The following PAK2 variants were observed in gnomAD, a reference collection of about 807,000 sequenced individuals.
PAK2 encodes the protein serine/threonine-protein kinase PAK 2.
A neutral mutation model predicts 65.9 loss-of-function variants in PAK2; 21 were observed. The observed-to-expected ratio is 0.32, with a 90% CI of 0.23 to 0.46. The LOEUF is 0.46. Among genes scored for constraint, PAK2 ranks in the 20% least tolerant of loss-of-function variants. The probability of loss-of-function intolerance (pLI) is 1.00; values close to 1 mark genes in which losing one functional copy is unlikely to be tolerated. For missense variants in PAK2, 324 were observed against 642.6 expected (o/e 0.50, Z 5.36); for synonymous variants, 204 against 219.7 (o/e 0.93, Z 0.63).
At chr3:196,806,725 G>C (rs567046783) in intron 6 of PAK2, 39 bp downstream of exon 6, 174 of 1,177,886 alleles carry the variant, frequency 1.5e-4, no homozygotes, top group South Asian at 6.7e-4. Context: ...GTGTGTGCAC[G>C]TGTGTTTTAA....
chr3:196,756,751 G>A (rs6793247), intron 1 of PAK2, among the ~76,000 whole-genome samples: 67,545 of 152,054 alleles, frequency 0.44, 15,804 homozygotes, highest in Non-Finnish European at 0.53. Flanking sequence ...CAGAAGAATC[G>A]CTTGAACCCG....
chr3:196,804,094 C>G (rs1011229931), intron 4 of PAK2, among the ~76,000 whole-genome samples: 1 of 152,116 alleles, frequency 6.6e-6, no homozygotes, highest in East Asian at 1.9e-4. Context: ...ACTACATCCT[C>G]AGGATGTCAT....
At chr3:196,818,388 A>C (rs753087220) in intron 12 of PAK2, among the ~76,000 whole-genome samples, 2 of 152,058 alleles carry the variant, frequency 1.3e-5, no homozygotes, top group Non-Finnish European at 2.9e-5. Flanking sequence ...TTATTAGGTA[A>C]TGTCTTGTCT....
chr3:196,810,684 T>C, intron 8 of PAK2, 31 bp downstream of exon 8: 1 of 1,009,686 alleles, frequency 9.9e-7, no homozygotes, highest in Non-Finnish European at 1.6e-6. Flanking sequence ...TACGATAATA[T>C]TCAGTATTCA....
chr3:196,779,405 C>CTTTCCCATGCCTAGA (rs1378602687), intron 1 of PAK2, among the ~76,000 whole-genome samples: 4 of 152,152 alleles, frequency 2.6e-5, no homozygotes, highest in African/African-American at 7.2e-5. Flanking sequence ...TCCATTTTCC[C>CTTTCCCATGCCTAGA]TTTCCCATGC....
chr3:196,776,082 G>A (rs749801335), intron 1 of PAK2, among the ~76,000 whole-genome samples: 2 of 152,146 alleles, frequency 1.3e-5, no homozygotes, highest in African/African-American at 2.4e-5. Context: ...CAATACCGTG[G>A]GGGAGTCTGA....
chr3:196,825,555 A>G (rs1365672838), intron 13 of PAK2, among the ~76,000 whole-genome samples: 1 of 151,826 alleles, frequency 6.6e-6, no homozygotes, highest in East Asian at 1.9e-4. Flanking sequence ...AGGCAGGAGA[A>G]TCGCTTGAAC....
chr3:196,775,109 C>T (rs533069143), intron 1 of PAK2, among the ~76,000 whole-genome samples: 26 of 152,200 alleles, frequency 1.7e-4, no homozygotes, highest in Middle Eastern at 3.4e-3. Context: ...AGAATTGTGG[C>T]GGCATGGTTG....
intron 1 of PAK2, among the ~76,000 whole-genome samples, chr3:196,754,955 G>C (rs932332136): frequency 6.6e-6 from 1 of 152,178 alleles, no homozygotes; most frequent in Non-Finnish European, 1.5e-5. Flanking sequence ...CTAGTAGGGA[G>C]AGACAAGATA....
intron 1 of PAK2, among the ~76,000 whole-genome samples, chr3:196,774,233 G>T (rs1432525696): frequency 6.6e-6 from 1 of 152,176 alleles, no homozygotes; most frequent in East Asian, 1.9e-4. Context: ...AGAAAAAAGA[G>T]CCTGAGATTC....
chr3:196,751,699 C>CCTTT lies in PAK2; in HGVS notation c.-22+11542_-22+11543insCTTT, dbSNP rs1476646981. Among the ~76,000 whole-genome samples the CCTTT allele has an allele frequency of 7.9e-3, 623 of 79,328 alleles. 18 individuals carry two copies. Among genetic ancestry groups the CCTTT allele is most frequent in the African/African-American group, 0.012 (156 of 13,176 alleles). 52.0% of individuals were successfully genotyped at this position (79,328 alleles called of 152,430 possible). On this transcript the variant is annotated intron_variant, in intron 1 of 14. Coordinates refer to ENST00000327134, the MANE Select transcript of PAK2 (RefSeq NM_002577.4). Reference sequence around the variant, plus strand: ...CATATATATATATATATATATAATTCAGGCTATATATAAAAGGCATTTATG... The same window carrying CCTTT: ...CATATATATATATATATATATAATTCCTTTAGGCTATATATAAAAGGCATTTATG...
At position 196,764,844 on chromosome 3, in the gene PAK2, T is replaced by TC. The variant is rs1345909738; in HGVS notation, c.-21-17782_-21-17781insC. 5.9e-3 allele frequency among the ~76,000 whole-genome samples: 826 copies of TC among 140,550 alleles called. 7 individuals are homozygous for TC. Among genetic ancestry groups the TC allele is most frequent in the African/African-American group, 0.02 (773 of 38,336 alleles). 92.2% of individuals were successfully genotyped at this position (140,550 alleles called of 152,430 possible). ...CAAATTTTCTTTTCTTTTCTTTCTT[T>TC]TTTTTTTTTTTTTTTTGAGACGGAG... is the stretch of plus-strand genomic sequence containing the variant. On this transcript the variant is annotated intron_variant, in intron 1 of 14. Coordinates refer to ENST00000327134, the MANE Select transcript of PAK2 (RefSeq NM_002577.4).
At position 196,807,732 on chromosome 3, in the gene PAK2, A is replaced by G. The variant is rs558773867; in HGVS notation, c.577-50A>G. On this transcript the variant is annotated intron_variant, in intron 6 of 14. Transcript: ENST00000327134. ...ACTGAATTAGTTTGCCAGGAAGAAT[A>G]TCTGAAAACATTATTCCTCAAACCT... 5 of 1,071,578 alleles carry G rather than the reference A, an allele frequency of 4.7e-6. No individual in the cohort carries two copies. In the South Asian group the frequency reaches 7.0e-5, roughly 15 times the overall value. The allele number at this position is 1,071,578 out of a possible 1,614,324, so 66.4% of individuals were successfully genotyped here. A position where few individuals can be genotyped will look rare whatever the true frequency, so the allele number is the denominator to read the frequency against.
chr3:196,783,442 C>CA (rs1714776465), intron 2 of PAK2, among the ~76,000 whole-genome samples: 1 of 152,038 alleles, frequency 6.6e-6, no homozygotes, highest in Non-Finnish European at 1.5e-5. Flanking sequence ...CTGGGCCAGA[C>CA]ACAGTGGCTC....
chr3:196,771,636 T>C (rs2108730337), intron 1 of PAK2, among the ~76,000 whole-genome samples: 1 of 152,292 alleles, frequency 6.6e-6, no homozygotes, highest in East Asian at 1.9e-4. Flanking sequence ...CTCAGCTCAC[T>C]GTACCTCTGC....
At chr3:196,773,338 T>C (rs1381074641) in intron 1 of PAK2, among the ~76,000 whole-genome samples, 2 of 152,194 alleles carry the variant, frequency 1.3e-5, no homozygotes, top group Non-Finnish European at 2.9e-5. Flanking sequence ...TGAATTATTT[T>C]TATACCTAAT....
At position 196,808,068 on chromosome 3, in the gene PAK2, T is replaced by C. The variant is rs112416781; in HGVS notation, c.709+154T>C. Reference sequence around the variant, plus strand: ...AACAGTAGCTTCAATTACAATCTGGTGATGTCACCAGGTTCACCCCTAAAT... The same window carrying C: ...AACAGTAGCTTCAATTACAATCTGGCGATGTCACCAGGTTCACCCCTAAAT... On this transcript the variant is annotated intron_variant, in intron 7 of 14. Coordinates refer to ENST00000327134, the MANE Select transcript of PAK2 (RefSeq NM_002577.4). The C allele has an allele frequency of 4.9e-3, 3,177 of 647,382 alleles. 74 individuals carry two copies. The African/African-American group carries it at 0.052, about 11-fold the overall frequency. The allele number at this position is 647,382 out of a possible 1,614,324, so 40.1% of individuals were successfully genotyped here.
intron 4 of PAK2, among the ~76,000 whole-genome samples, chr3:196,804,840 TATA>T (rs1286258453): frequency 2.0e-5 from 3 of 150,742 alleles, no homozygotes; most frequent in African/African-American, 7.3e-5. Context: ...TATATATATA[TATA>T]TACACACACA....
chr3:196,744,511 C>G lies in PAK2; in HGVS notation c.-22+4354C>G, dbSNP rs188098211. Among the ~76,000 whole-genome samples the G allele has an allele frequency of 2.9e-3, 445 of 152,264 alleles. 4 individuals carry two copies. Among genetic ancestry groups the G allele is most frequent in the African/African-American group, 0.01 (427 of 41,550 alleles). On this transcript the variant is annotated intron_variant, in intron 1 of 14. Coordinates refer to ENST00000327134, the MANE Select transcript of PAK2 (RefSeq NM_002577.4). ...TATGATTGCACCATTGCATTCCAGC[C>G]TGGGTGACAGAGCAAGACCCTGTCT...
Sources: allele counts gnomAD v4.1 joint callset (sites outside exome capture counted in the v4.1 genomes callset), GRCh38; gene constraint gnomAD v4.1.1; transcripts MANE v1.5; gene names NCBI Gene and HGNC (gene_info 2026-07-23, HGNC 2026-07-21).